TRMT9B: variants seen among roughly 807,000 people sequenced by gnomAD.
The protein encoded by TRMT9B is probable tRNA methyltransferase 9B.
In TRMT9B, 16 loss-of-function variants were observed where a neutral mutation model predicts 11.5. The ratio of observed to expected loss-of-function variants is 1.39; its 90% CI spans 0.94 to 2.11. The LOEUF (loss-of-function observed/expected upper bound fraction) is 2.11. Among genes scored for constraint, TRMT9B ranks in the 30% most tolerant of loss-of-function variants. TRMT9B has a pLI of 0.00. For synonymous variants in TRMT9B, 274 were observed against 192.4 expected, an observed-to-expected ratio of 1.42 and a Z score of -3.51; for missense variants, 941 against 553.8, an observed-to-expected ratio of 1.70 and a Z score of -7.02.
At chr8:12,965,080 C>G (rs1802636334) in intron 1 of TRMT9B, among the ~76,000 whole-genome samples, 1 of 152,212 alleles carries the variant, frequency 6.6e-6, no homozygotes, top group African/African-American at 2.4e-5. Flanking sequence ...AAATGTCAAA[C>G]ACATTCTTAT....
At chr8:13,006,382 AT>A (rs1810472108) in intron 3 of TRMT9B, 26 bp downstream of exon 3, 1 of 1,508,974 alleles carries the variant, frequency 6.6e-7, no homozygotes, top group Admixed American at 2.3e-5. Context: ...CATCGCTGAC[AT>A]AGGTAACCAG....
Position 12,990,950 on chromosome 8 carries a change from C to A in TRMT9B, c.-83C>A. On this transcript the variant is annotated 5_prime_UTR_variant, in exon 2 of 5. Coordinates refer to ENST00000524591, the MANE Select transcript of TRMT9B (RefSeq NM_020844.3). The stretch of plus-strand genomic sequence containing the variant: ...TACACATTGAGAAAGTTATGAGAAG[C>A]AACTGTCACTCTCTGGAGGTGGAGA... 1 of 1,289,002 alleles carries A rather than the reference C, an allele frequency of 7.8e-7. No homozygotes were observed. The highest frequency in any genetic ancestry group is 1.0e-6 in the Non-Finnish European group (1 of 988,358). The allele number at this position is 1,289,002 out of a possible 1,614,324, so 79.8% of individuals were successfully genotyped here. A position where few individuals can be genotyped will look rare whatever the true frequency, so the allele number is the denominator to read the frequency against.
At chr8:12,967,261 G>T (rs2128866419) in intron 1 of TRMT9B, among the ~76,000 whole-genome samples, 1 of 152,308 alleles carries the variant, frequency 6.6e-6, no homozygotes, top group Non-Finnish European at 1.5e-5. Context: ...TTGAACAAAG[G>T]CATAGGTAAA....
chr8:13,020,064 T>A (rs1479526013), intron 4 of TRMT9B, among the ~76,000 whole-genome samples: 1 of 152,212 alleles, frequency 6.6e-6, no homozygotes, highest in African/African-American at 2.4e-5. Context: ...CTGTGGAAGG[T>A]AAACTACAAA....
chr8:12,980,919 T>C (rs1007525167), intron 1 of TRMT9B, among the ~76,000 whole-genome samples: 2 of 152,220 alleles, frequency 1.3e-5, no homozygotes, highest in Non-Finnish European at 2.9e-5. Context: ...GAAGTCACTA[T>C]GCGAATTCTT....
At chr8:12,976,691 C>G (rs1218861601) in intron 1 of TRMT9B, among the ~76,000 whole-genome samples, 3 of 152,172 alleles carry the variant, frequency 2.0e-5, no homozygotes, top group South Asian at 2.1e-4. Context: ...GGCCCGTTCA[C>G]AAAGTGTCAG....
At chr8:13,020,013 T>C (rs1248392039) in intron 4 of TRMT9B, among the ~76,000 whole-genome samples, 1 of 152,234 alleles carries the variant, frequency 6.6e-6, no homozygotes, top group Non-Finnish European at 1.5e-5. Context: ...CTTTACTAGT[T>C]TGATCTGTAC....
chr8:12,998,377 G>A (rs1563391840), intron 2 of TRMT9B, among the ~76,000 whole-genome samples: 1 of 152,218 alleles, frequency 6.6e-6, no homozygotes, highest in Admixed American at 6.5e-5. Flanking sequence ...ATTCATAAAT[G>A]TATGTCAGTA....
At chr8:12,977,731 G>A (rs951035604) in intron 1 of TRMT9B, among the ~76,000 whole-genome samples, 4 of 151,790 alleles carry the variant, frequency 2.6e-5, no homozygotes, top group African/African-American at 9.7e-5. Context: ...CTATATTCTT[G>A]CAGCTGGGTG....
rs1357309689 is a variant in TRMT9B, at chr8:12,945,762, T to G, written c.-404T>G. 6.6e-6 allele frequency: 1 copy of G among 152,254 alleles called. No individual in the cohort carries two copies. Among genetic ancestry groups the G allele is most frequent in the African/African-American group, 2.4e-5 (1 of 41,466 alleles). 9.4% of individuals were successfully genotyped at this position (152,254 alleles called of 1,614,324 possible). A position where few individuals can be genotyped will look rare whatever the true frequency, so the allele number is the denominator to read the frequency against. Reference sequence around the variant, plus strand: ...TTTTGGCTTTTTTTCTTTGTTTTATTCTTTTTTCATTTTTTGTGTTTTTTG... The same window carrying G: ...TTTTGGCTTTTTTTCTTTGTTTTATGCTTTTTTCATTTTTTGTGTTTTTTG... On this transcript the variant is annotated 5_prime_UTR_variant, in exon 1 of 5. The change creates a new upstream start codon in the 5' untranslated region. Transcript: ENST00000524591.
intron 1 of TRMT9B, among the ~76,000 whole-genome samples, chr8:12,987,368 C>G (rs746018618): frequency 3.9e-5 from 6 of 152,160 alleles, no homozygotes; most frequent in Non-Finnish European, 5.9e-5. Flanking sequence ...CCCAATAAAC[C>G]CATTATAAGT....
chr8:13,019,691 A>C (rs1813444972), intron 4 of TRMT9B, among the ~76,000 whole-genome samples: 2 of 152,234 alleles, frequency 1.3e-5, no homozygotes, highest in South Asian at 2.1e-4. Context: ...TCCTTAGCTT[A>C]GTAATCAGGA....
At chr8:12,976,610 T>G (rs1286332351) in intron 1 of TRMT9B, among the ~76,000 whole-genome samples, 1 of 152,068 alleles carries the variant, frequency 6.6e-6, no homozygotes, top group Non-Finnish European at 1.5e-5. Context: ...AAAATAAAAA[T>G]AACATATCAG....
intron 1 of TRMT9B, among the ~76,000 whole-genome samples, chr8:12,979,167 C>G (rs982646853): frequency 3.3e-5 from 5 of 152,172 alleles, no homozygotes; most frequent in African/African-American, 1.2e-4. Flanking sequence ...TAAGCGTTGT[C>G]CTTTTCAGGG....
intron 1 of TRMT9B, among the ~76,000 whole-genome samples, chr8:12,954,087 T>C (rs1214851485): frequency 2.0e-5 from 3 of 152,210 alleles, no homozygotes; most frequent in African/African-American, 7.2e-5. Context: ...ACCAGAGTGA[T>C]GTGAAATTGG....
chr8:12,969,377 T>A (rs1803266167), intron 1 of TRMT9B, among the ~76,000 whole-genome samples: 1 of 152,094 alleles, frequency 6.6e-6, no homozygotes, highest in South Asian at 2.1e-4. Flanking sequence ...AAGTAAACAA[T>A]TGCACCCAGT....
rs1813916236 is a variant in TRMT9B, at chr8:13,021,634, A to G, written c.955A>G (p.Lys319Glu). 1 of 1,613,850 alleles carries G rather than the reference A, an allele frequency of 6.2e-7. No homozygotes were observed. Among genetic ancestry groups the G allele is most frequent in the Non-Finnish European group, 8.5e-7 (1 of 1,179,814 alleles). The part of the protein sequence containing the change: ...EEVFVESSSG[K>E]HLEWLRAPGT... ...AGTGTTTGTGGAATCTTCTTCTGGA[A>G]AACACTTGGAGTGGCTGAGAGCACC... Residue 319 changes from lysine (K) to glutamate (E), a missense_variant, in exon 5 of 5, where the codon AAA becomes GAA. Physicochemically the swap from Lys to Glu is moderately conservative, Grantham distance 56. Coordinates refer to ENST00000524591, the MANE Select transcript of TRMT9B (RefSeq NM_020844.3).
In TRMT9B at chr8:13,021,100, G is replaced by T. The variant is rs373979768; in HGVS notation, c.421G>T (p.Val141Phe). The T allele has an allele frequency of 6.2e-7, 1 of 1,611,072 alleles. No individual in the cohort carries two copies. Among genetic ancestry groups the T allele is most frequent in the Non-Finnish European group, 8.5e-7 (1 of 1,178,186 alleles). Residue 141 changes from valine (V) to phenylalanine (F), a missense_variant, in exon 5 of 5, where the codon GTT becomes TTT. Transcript: ENST00000524591. ...LVPGGQLMIY[V>F]WAMEQKNRHF... is the part of the protein sequence containing the mutation. ...TCCCGGAGGCCAACTGATGATTTAC[G>T]TTTGGGCAATGGAACAAAAGAACCG...
chr8:12,993,515 G>A (rs559201947), intron 2 of TRMT9B, among the ~76,000 whole-genome samples: 2 of 152,306 alleles, frequency 1.3e-5, no homozygotes, highest in East Asian at 1.9e-4. Flanking sequence ...GGGGATAGAT[G>A]TGGGGGGTGC....
Sources: gnomAD v4.1 joint callset for allele counts (sites outside exome capture counted in the v4.1 genomes callset) on GRCh38, gnomAD v4.1.1 for gene constraint, MANE v1.5 for transcripts, NCBI Gene and HGNC (gene_info 2026-07-23, HGNC 2026-07-21) for gene names.